Variants in TIAM1 observed in about 807,000 individuals in gnomAD.
TIAM1 encodes TIAM Rac1 associated GEF 1.
A neutral mutation model predicts 163.5 loss-of-function variants in TIAM1; 65 were observed. The ratio of observed to expected loss-of-function variants is 0.40; its 90% confidence interval spans 0.33 to 0.49. TIAM1 has a LOEUF of 0.49. Among genes scored for constraint, TIAM1 ranks in the 20% least tolerant of loss-of-function variants. The pLI is 0.77. For synonymous variants in TIAM1, 833 were observed against 810.1 expected, an observed-to-expected ratio of 1.03 and a Z score of -0.48; for missense variants, 1,789 against 2,044.7, an observed-to-expected ratio of 0.87 and a Z score of 2.41.
chr21:31,486,530 ATAT>A (rs2046278055), intron 1 of TIAM1, among the ~76,000 whole-genome samples: 1 of 152,328 alleles, frequency 6.6e-6, no homozygotes, highest in Admixed American at 6.5e-5. Context: ...GGTCCGACAA[ATAT>A]TATGTGCCCT....
chr21:31,218,931 G>A (rs1273702861), intron 8 of TIAM1, among the ~76,000 whole-genome samples: 1 of 151,192 alleles, frequency 6.6e-6, no homozygotes, highest in Non-Finnish European at 1.5e-5. Flanking sequence ...CTATGTTTAG[G>A]TAAATGGGAA....
intron 1 of TIAM1, among the ~76,000 whole-genome samples, chr21:31,342,415 G>A (rs995894026): frequency 1.1e-4 from 17 of 152,066 alleles, no homozygotes; most frequent in African/African-American, 1.9e-4. Flanking sequence ...ACATCTACAC[G>A]GTCATATACT....
intron 2 of TIAM1, among the ~76,000 whole-genome samples, chr21:31,452,149 GTCAC>G (rs1393909214): frequency 6.6e-6 from 1 of 152,122 alleles, no homozygotes; most frequent in Non-Finnish European, 1.5e-5. Context: ...ATGATGAGGT[GTCAC>G]TCCTCTGATT....
intron 2 of TIAM1, among the ~76,000 whole-genome samples, chr21:31,358,697 T>C (rs1335624584): frequency 6.6e-6 from 1 of 152,190 alleles, no homozygotes; most frequent in Non-Finnish European, 1.5e-5. Context: ...CACCCCTTCC[T>C]GCTGCTGCCA....
In TIAM1 at chr21:31,259,618, C is replaced by T. The variant is rs553723841; in HGVS notation, c.963+6392G>A. 2.9e-3 allele frequency among the ~76,000 whole-genome samples: 352 copies of T among 122,374 alleles called. 1 individual carries two copies. Among genetic ancestry groups the T allele is most frequent in the African/African-American group, 9.9e-3 (321 of 32,376 alleles). 80.3% of individuals were successfully genotyped at this position (122,374 alleles called of 152,430 possible). ...GCCTGGGAAACACAGCAAGACCTGT[C>T]TAAAAAAATAAAATAATAATAATAA... On this transcript the variant is annotated intron_variant, in intron 4 of 27. Transcript: ENST00000541036.
chr21:31,310,806 TGCAGGATGA>T (rs1257569596), intron 2 of TIAM1, among the ~76,000 whole-genome samples: 1 of 152,136 alleles, frequency 6.6e-6, no homozygotes, highest in Non-Finnish European at 1.5e-5. Context: ...GGTTACACAA[TGCAGGATGA>T]GAGAAGAAGG....
chr21:31,470,363 C>G (rs1463283010), intron 1 of TIAM1, among the ~76,000 whole-genome samples: 2 of 146,884 alleles, frequency 1.4e-5, no homozygotes, highest in East Asian at 4.2e-4. Context: ...GACAGAGTTT[C>G]ACTCTTGTTG....
At chr21:31,557,799 G>C (rs2048934106) in intron 1 of TIAM1, among the ~76,000 whole-genome samples, 1 of 152,166 alleles carries the variant, frequency 6.6e-6, no homozygotes, top group African/African-American at 2.4e-5. Flanking sequence ...GAGTCAACCA[G>C]GGCTGACCCG....
At chr21:31,551,236 T>TAAAAGAA (rs1203305416) in intron 1 of TIAM1, among the ~76,000 whole-genome samples, 2 of 140,824 alleles carry the variant, frequency 1.4e-5, no homozygotes, top group Non-Finnish European at 3.1e-5. Context: ...AAAACAAGAA[T>TAAAAGAA]AAAAGAAAAA....
chr21:31,124,304 G>A, intron 27 of TIAM1: 2 of 480,514 alleles, frequency 4.2e-6, no homozygotes, highest in Non-Finnish European at 6.8e-6. Context: ...GGGAAGGCTT[G>A]AGGGAGGACA....
At position 31,384,547 on chromosome 21, in the gene TIAM1, C is replaced by T. The variant is rs571794211; in HGVS notation, c.-368-45125G>A. 2.0e-5 allele frequency among the ~76,000 whole-genome samples: 3 copies of T among 152,268 alleles called. No individual in the cohort carries two copies. In the East Asian group the frequency reaches 5.8e-4, roughly 29 times the overall value. ...CTATGATCACACCACTGCACTCCAG[C>T]CCGGGTGACAAAGCAAGACCCTGTC... On this transcript the variant is annotated intron_variant, in intron 2 of 28. Coordinates refer to the TIAM1 transcript ENST00000286827.
chr21:31,535,380 CAAAAAAAAAAAAAAA>C (rs59742048), intron 1 of TIAM1, among the ~76,000 whole-genome samples: 9 of 54,280 alleles, frequency 1.7e-4, no homozygotes, highest in African/African-American at 3.6e-4. Context: ...GGCTCCATCT[CAAAAAAAAAAAAAAA>C]AAAAAAAAAA....
At chr21:31,188,226 C>T (rs967553777) in intron 13 of TIAM1, among the ~76,000 whole-genome samples, 4 of 152,146 alleles carry the variant, frequency 2.6e-5, no homozygotes, top group Admixed American at 6.5e-5. Flanking sequence ...TCTCAAGTAC[C>T]GTAACACCCT....
chr21:31,444,514 T>C (rs1157393054), intron 2 of TIAM1, among the ~76,000 whole-genome samples: 1 of 151,666 alleles, frequency 6.6e-6, no homozygotes, highest in East Asian at 1.9e-4. Context: ...GAGGGATAGA[T>C]GACTAATTGC....
chr21:31,245,772 G>T, intron 5 of TIAM1, 112 bp from the exon 6 acceptor site: 1 of 1,031,918 alleles, frequency 9.7e-7, no homozygotes, highest in Non-Finnish European at 1.3e-6. Context: ...TAAAGCACGT[G>T]GAACCCAGGA....
At chr21:31,471,016 C>T (rs1050716103) in intron 1 of TIAM1, among the ~76,000 whole-genome samples, 13 of 152,314 alleles carry the variant, frequency 8.5e-5, no homozygotes, top group South Asian at 4.1e-4. Context: ...CAAAGCTCAT[C>T]AGCCCAGCAG....
intron 2 of TIAM1, among the ~76,000 whole-genome samples, chr21:31,286,753 A>G (rs897587764): frequency 3.3e-5 from 5 of 152,120 alleles, no homozygotes; most frequent in Non-Finnish European, 5.9e-5. Flanking sequence ...ATTTAAAGAA[A>G]TTCTTCCCAC....
At chr21:31,359,732 C>G (rs562697706) in intron 2 of TIAM1, among the ~76,000 whole-genome samples, 1 of 150,674 alleles carries the variant, frequency 6.6e-6, no homozygotes, top group Admixed American at 6.7e-5. Context: ...GAGGTTGCAA[C>G]AAGTCGAGAT....
At chr21:31,355,196 G>A (rs530211499) in intron 2 of TIAM1, among the ~76,000 whole-genome samples, 226 of 150,960 alleles carry the variant, frequency 1.5e-3, no homozygotes, top group Middle Eastern at 6.9e-3. Context: ...AAAAGGTAGC[G>A]GCTAATGAAC....
Sources: allele counts gnomAD v4.1 joint callset (sites outside exome capture counted in the v4.1 genomes callset), GRCh38; gene constraint gnomAD v4.1.1; transcripts MANE v1.5; gene names NCBI Gene and HGNC (gene_info 2026-07-23, HGNC 2026-07-21).